The following ANO7 variants were observed in gnomAD, a reference collection of about 807,000 sequenced individuals.
ANO7 encodes the protein anoctamin-7.
In ANO7, 114 loss-of-function variants were observed where a neutral mutation model predicts 115.8. The observed-to-expected ratio is 0.98, with a 90% CI of 0.85 to 1.15. The LOEUF (loss-of-function observed/expected upper bound fraction) is 1.15, where lower values mean the gene tolerates loss of function less well. Ranked by LOEUF, ANO7 falls within the 50% of genes most tolerant of loss-of-function variation. The pLI is 0.00. For synonymous variants in ANO7, 550 were observed against 498.2 expected (o/e 1.10, Z -1.38); for missense variants, 1,302 against 1,201.2 (o/e 1.08, Z -1.24).
Position 241,210,500 on chromosome 2 carries a change from A to G in ANO7, c.1491A>G (p.Val497=), listed in dbSNP as rs2068697698. Residue 497 remains valine (V), a synonymous_variant, in exon 15 of 25, where the codon GTA becomes GTG. Coordinates refer to ENST00000674324, the MANE Select transcript of ANO7 (RefSeq NM_001370694.2). ...ASRIASLTGS[V]VNLVFILILS... is the part of the protein sequence containing the mutation. Reference sequence around the variant, plus strand: ...GCATCGCCAGCCTCACGGGGTCTGTAGTGAACCTCGTCTTCATCCTCATCC... The same window carrying G: ...GCATCGCCAGCCTCACGGGGTCTGTGGTGAACCTCGTCTTCATCCTCATCC... 1.2e-6 allele frequency: 2 copies of G among 1,613,906 alleles called. No homozygotes were observed. Among genetic ancestry groups the G allele is most frequent in the Non-Finnish European group, 1.7e-6 (2 of 1,179,994 alleles).
intron 17 of ANO7, chr2:241,212,913 G>T (rs538744831): frequency 5.2e-4 from 220 of 425,882 alleles, no homozygotes; most frequent in Admixed American, 1.1e-3. Context: ...GAGGAGGATC[G>T]CTTAAGCCCA....
At chr2:241,233,179 G>GCAGAGC in the ANO7 span, among the ~76,000 whole-genome samples, 5 of 152,214 alleles carry the variant, frequency 3.3e-5, no homozygotes, top group Non-Finnish European at 1.5e-5. This position sits in a 1 kb window ranked among gnomAD's most constrained non-coding sequence, Gnocchi z 4.3. Context: ...AGACACCCCA[G>GCAGAGC]CAGGATGCCA....
intron 21 of ANO7, among the ~76,000 whole-genome samples, chr2:241,221,518 C>T (rs904191180): frequency 2.6e-5 from 4 of 151,660 alleles, no homozygotes; most frequent in South Asian, 2.1e-4. Context: ...TACAGGCGTG[C>T]GCTACCACAC....
In ANO7 at chr2:241,190,147, C is replaced by T. The variant is rs371479862; in HGVS notation, c.84C>T (p.Tyr28=). ...SPPEAEKRGS[Y]GSTAHASEPG... is the part of the protein sequence containing the mutation. ...CTGAGGCAGAGAAGAGGGGCTCTTA[C>T]GGGAGCACAGCCCACGCCTCGGAGG... Residue 28 remains tyrosine, a synonymous_variant, in exon 2 of 25, where the codon TAC becomes TAT. Transcript: ENST00000674324. 3.0e-5 allele frequency: 47 copies of T among 1,571,084 alleles called. No individual in the cohort carries two copies. The South Asian group carries it at 3.9e-4, about 13-fold the overall frequency.
At chr2:241,200,022 T>C in intron 5 of ANO7, 67 bp from the exon 6 acceptor site, 1 of 1,581,496 alleles carries the variant, frequency 6.3e-7, no homozygotes, top group Non-Finnish European at 8.6e-7. Context: ...TTGCACAACC[T>C]CCACTCCCAC....
chr2:241,203,507 C>T lies in ANO7; in HGVS notation c.889+9C>T, dbSNP rs753667226. 4.1e-6 allele frequency: 6 copies of T among 1,454,926 alleles called. No homozygotes were observed. The highest frequency in any genetic ancestry group is 1.5e-5 in the African/African-American group (1 of 68,476). The allele number at this position is 1,454,926 out of a possible 1,614,324, so 90.1% of individuals were successfully genotyped here. On this transcript the variant is annotated intron_variant, in intron 9 of 24. Transcript: ENST00000674324. The surrounding 1 kb of genome is among the most constrained non-coding windows in gnomAD (Gnocchi z 4.8). Reference sequence around the variant, plus strand: ...CTACTTCGCCTGGCTCGGTGAGTCCCCCCCGCTGCCCCCCAGACCACCTGG... The same window carrying T: ...CTACTTCGCCTGGCTCGGTGAGTCCTCCCCGCTGCCCCCCAGACCACCTGG...
At chr2:241,230,621 G>T (rs1574826417), downstream of ANO7, 33 of 746,944 alleles carry the variant, frequency 4.4e-5, 1 homozygote, top group South Asian at 5.8e-4. This position sits in a 1 kb window ranked among gnomAD's most constrained non-coding sequence, Gnocchi z 5.0. Flanking sequence ...TGGTGTCCAT[G>T]AGGACAGTTC....
chr2:241,236,332 T>G, the ANO7 span: 1 of 446,594 alleles, frequency 2.2e-6, no homozygotes, highest in Non-Finnish European at 4.0e-6. Flanking sequence ...GCTGAGACCC[T>G]TCCACAGCCC....
chr2:241,199,249 G>T (rs1283754054), intron 4 of ANO7, 67 bp from the exon 5 acceptor site: 1 of 1,366,054 alleles, frequency 7.3e-7, no homozygotes, highest in Non-Finnish European at 1.0e-6. Flanking sequence ...AGTGCGAATG[G>T]ACACACACAT....
chr2:241,200,525 C>T lies in ANO7; in HGVS notation c.554+300C>T, dbSNP rs188871859. On this transcript the variant is annotated intron_variant, in intron 6 of 24. Coordinates refer to ENST00000674324, the MANE Select transcript of ANO7 (RefSeq NM_001370694.2). ...GGGGCGGCGCGGTACCTGCTCACCA[C>T]GGTCTCTCAGGGCCCGGGCGATGGA... is the stretch of plus-strand genomic sequence containing the variant. Among the ~76,000 whole-genome samples, 5 of 152,354 alleles carry T rather than the reference C, an allele frequency of 3.3e-5. No homozygotes were observed. The East Asian group carries it at 7.7e-4, about 24-fold the overall frequency.
chr2:241,195,857 C>A lies in ANO7; in HGVS notation c.309+12C>A, dbSNP rs768821319. On this transcript the variant is annotated intron_variant, in intron 4 of 24. Transcript: ENST00000674324. ...TGTGTGTAGACCAGGTACGTGGAGG[C>A]TGTCATGGGCAGGGCCCTAGGCCCT... is the stretch of plus-strand genomic sequence containing the variant. 1.9e-6 allele frequency: 3 copies of A among 1,614,204 alleles called. No individual in the cohort carries two copies. In the South Asian group the frequency reaches 3.3e-5, roughly 18 times the overall value.
In ANO7 at chr2:241,191,061, T is replaced by C. The variant is rs909702291; in HGVS notation, c.109-133T>C. Reference sequence around the variant, plus strand: ...TACCCACCCGCCGAACATTCTTCTGTGGTCCTGAGTGTTCTGGGGCAGGGC... The same window carrying C: ...TACCCACCCGCCGAACATTCTTCTGCGGTCCTGAGTGTTCTGGGGCAGGGC... On this transcript the variant is annotated intron_variant, in intron 2 of 24. Coordinates refer to ENST00000674324, the MANE Select transcript of ANO7 (RefSeq NM_001370694.2). 6.2e-6 allele frequency: 6 copies of C among 963,312 alleles called. No homozygotes were observed. In the African/African-American group the frequency reaches 8.2e-5, roughly 13 times the overall value. The allele number at this position is 963,312 out of a possible 1,614,324, so 59.7% of individuals were successfully genotyped here. A position where few individuals can be genotyped will look rare whatever the true frequency, so the allele number is the denominator to read the frequency against.
At position 241,224,109 on chromosome 2, in the gene ANO7, T is replaced by C. The variant is rs1300817151; in HGVS notation, c.2596T>C (p.Trp866Arg). ...ACCCTCTCCCCAGCTCAGCTCCCAC[T>C]GGACACCCTTCACGGTTCCCAAGGC... ...QPEGSELSSH[W>R]TPFTVPKASQ... The change falls in exon 25 of 25, where the codon TGG (tryptophan) becomes CGG (arginine). Residue 866 changes from tryptophan to arginine, a missense_variant. Transcript: ENST00000674324. The C allele has an allele frequency of 1.2e-6, 2 of 1,614,054 alleles. No homozygotes were observed. The highest frequency in any genetic ancestry group is 2.2e-5 in the South Asian group (2 of 91,074).
chr2:241,201,483 G>A, intron 7 of ANO7, 128 bp downstream of exon 7: 1 of 1,068,426 alleles, frequency 9.4e-7, no homozygotes, highest in South Asian at 1.7e-5. Flanking sequence ...GAGCCCGGAG[G>A]CTTTGGAAAC....
chr2:241,202,367 G>A (rs2068492984), intron 8 of ANO7, 63 bp downstream of exon 8: 2 of 1,503,936 alleles, frequency 1.3e-6, no homozygotes, highest in Admixed American at 1.7e-5. Flanking sequence ...GGGTCCTGTT[G>A]GCCCCCAGGG....
intron 22 of ANO7, 116 bp from the exon 23 acceptor site, chr2:241,223,546 G>T: frequency 6.7e-7 from 1 of 1,491,808 alleles, no homozygotes; most frequent in Non-Finnish European, 9.1e-7. Flanking sequence ...TTCCTGCACA[G>T]CTGCTTTCTG....
intron 3 of ANO7, among the ~76,000 whole-genome samples, chr2:241,193,460 C>T (rs1319748979): frequency 6.6e-6 from 1 of 152,160 alleles, no homozygotes; most frequent in African/African-American, 2.4e-5. Context: ...GGCATCCTCG[C>T]AGCTGCCTGT....
At chr2:241,194,473 C>G (rs2068276359) in intron 3 of ANO7, among the ~76,000 whole-genome samples, 1 of 151,918 alleles carries the variant, frequency 6.6e-6, no homozygotes, top group Admixed American at 6.6e-5. Context: ...GGCCACCACG[C>G]CCAGCTAATT....
At chr2:241,239,704 G>A in the ANO7 span, 1 of 1,614,208 alleles carries the variant, frequency 6.2e-7, no homozygotes, top group Non-Finnish European at 8.5e-7. This position sits in a 1 kb window ranked among gnomAD's most constrained non-coding sequence, Gnocchi z 4.6. Flanking sequence ...AGCGTGGGAA[G>A]CTGACCATCA....
Sources: allele counts gnomAD v4.1 joint callset (sites outside exome capture counted in the v4.1 genomes callset), GRCh38; gene constraint gnomAD v4.1.1; non-coding constraint Gnocchi (gnomAD v3.1); transcripts MANE v1.5; gene names NCBI Gene and HGNC (gene_info 2026-07-23, HGNC 2026-07-21).